CDH11: variants seen among roughly 807,000 people sequenced by gnomAD.
The protein encoded by CDH11 is cadherin 11.
CDH11 carries 11 observed loss-of-function variants against 67.8 expected under a neutral mutation model. The observed-to-expected ratio is 0.16, with a 90% CI of 0.10 to 0.27. The LOEUF is 0.27. Among genes scored for constraint, CDH11 ranks in the 10% least tolerant of loss-of-function variants. CDH11 has a pLI of 1.00. For synonymous variants in CDH11, 419 were observed against 400.0 expected (o/e 1.05, Z -0.57); for missense variants, 847 against 1,031.2 (o/e 0.82, Z 2.45).
intron 1 of CDH11, among the ~76,000 whole-genome samples, chr16:65,088,525 A>G (rs1446453038): frequency 6.6e-6 from 1 of 152,222 alleles, no homozygotes; most frequent in African/African-American, 2.4e-5. Flanking sequence ...CTACATTATT[A>G]AAAATATATT....
At position 64,946,709 on chromosome 16, in the gene CDH11, TA is replaced by T; in HGVS notation, c.*893del. ...AATAGGGTTATTAAAAGATCACAAT[TA>T]AATTAGAAATATAAATGGATCATTA... On this transcript the variant is annotated 3_prime_UTR_variant, in exon 13 of 13. Transcript: ENST00000268603. The T allele has an allele frequency of 1.1e-6, 1 of 927,534 alleles. No homozygotes were observed. Among genetic ancestry groups the T allele is most frequent in the South Asian group, 5.1e-5 (1 of 19,542 alleles). 57.5% of individuals were successfully genotyped at this position (927,534 alleles called of 1,614,324 possible).
intron 1 of CDH11, among the ~76,000 whole-genome samples, chr16:65,100,595 G>T (rs536384513): frequency 6.6e-6 from 1 of 151,874 alleles, no homozygotes; most frequent in South Asian, 2.1e-4. Flanking sequence ...AAAATTAGCC[G>T]GGCGTCGTGG....
At chr16:64,965,023 A>C (rs2142407149) in intron 11 of CDH11, among the ~76,000 whole-genome samples, 1 of 151,974 alleles carries the variant, frequency 6.6e-6, no homozygotes, top group East Asian at 1.9e-4. Flanking sequence ...GTTAGGCATA[A>C]ATCAACCTTA....
intron 1 of CDH11, among the ~76,000 whole-genome samples, chr16:65,067,314 G>C (rs905006387): frequency 6.6e-6 from 1 of 152,062 alleles, no homozygotes; most frequent in East Asian, 1.9e-4. Context: ...TACAACCACA[G>C]ACAGATGACA....
intron 11 of CDH11, among the ~76,000 whole-genome samples, chr16:64,951,460 T>G (rs532154310): frequency 3.9e-5 from 6 of 152,064 alleles, no homozygotes; most frequent in South Asian, 4.2e-4. Context: ...TAACCTAGAC[T>G]TCACTTTGCT....
chr16:65,090,987 C>T (rs1597181981), intron 1 of CDH11, among the ~76,000 whole-genome samples: 1 of 152,286 alleles, frequency 6.6e-6, no homozygotes, highest in East Asian at 1.9e-4. Context: ...AATTCCAGCC[C>T]TAGGCAACTG....
In CDH11 at chr16:64,985,641, A is replaced by C. The variant is rs374626673; in HGVS notation, c.999+2516T>G. 6 of 151,632 alleles carry C rather than the reference A, an allele frequency of 4.0e-5. No individual in the cohort carries two copies. The East Asian group carries it at 9.7e-4, about 24-fold the overall frequency. 9.4% of individuals were successfully genotyped at this position (151,632 alleles called of 1,614,324 possible). A position where few individuals can be genotyped will look rare whatever the true frequency, so the allele number is the denominator to read the frequency against. The stretch of plus-strand genomic sequence containing the variant: ...TATTGCAGTCAATTTTCAACTGGGG[A>C]GTGATTTTGCTCCCAGTTACTCCAG... On this transcript the variant is annotated intron_variant, in intron 7 of 12. Transcript: ENST00000268603.
At chr16:65,122,139 G>C (rs972070855), upstream of CDH11, 7 of 513,678 alleles carry the variant, frequency 1.4e-5, no homozygotes, top group East Asian at 8.0e-5. Flanking sequence ...TGCGGGGCGG[G>C]GGGGGCGGGA....
chr16:65,107,611 C>A (rs1384000863), intron 1 of CDH11, among the ~76,000 whole-genome samples: 1 of 152,128 alleles, frequency 6.6e-6, no homozygotes, highest in Non-Finnish European at 1.5e-5. Context: ...GGAATAAAGT[C>A]CAAAGCTCTA....
chr16:65,041,343 C>T (rs1348697858), intron 2 of CDH11, among the ~76,000 whole-genome samples: 1 of 152,220 alleles, frequency 6.6e-6, no homozygotes, highest in Non-Finnish European at 1.5e-5. Flanking sequence ...CTGTCTGCTA[C>T]TCTGAATTCT....
chr16:65,067,902 G>C (rs1321554784), intron 1 of CDH11, among the ~76,000 whole-genome samples: 1 of 131,100 alleles, frequency 7.6e-6, no homozygotes, highest in East Asian at 2.5e-4. Context: ...GAGGAAGGAA[G>C]GAAGAAAGGA....
chr16:64,988,521 A>G (rs1170531361), intron 6 of CDH11, among the ~76,000 whole-genome samples, 177 bp from the exon 7 acceptor site: 1 of 152,176 alleles, frequency 6.6e-6, no homozygotes, highest in East Asian at 1.9e-4. Flanking sequence ...CCTGCTTGTC[A>G]AAAGAATGTG....
intron 6 of CDH11, among the ~76,000 whole-genome samples, chr16:64,989,217 T>C (rs1424174261): frequency 2.0e-5 from 3 of 151,704 alleles, no homozygotes; most frequent in African/African-American, 7.3e-5. Context: ...AAGTGCATGA[T>C]TGTGTGTGAG....
rs552698472 is a variant in CDH11 at position 65,038,247 on chromosome 16, G to A, written c.-173+15557C>T. On this transcript the variant is annotated intron_variant, in intron 2 of 12. Coordinates refer to ENST00000268603, the MANE Select transcript of CDH11 (RefSeq NM_001797.4). Reference sequence around the variant, plus strand: ...GCTTTTGTTTTGATCTCACTGCTTAGGTTAATGCATCATGACTCCTCCACG... The same window carrying A: ...GCTTTTGTTTTGATCTCACTGCTTAAGTTAATGCATCATGACTCCTCCACG... Among the ~76,000 whole-genome samples, 3 of 152,202 alleles carry A rather than the reference G, an allele frequency of 2.0e-5. No homozygotes were observed. The East Asian group carries it at 5.8e-4, about 30-fold the overall frequency.
intron 1 of CDH11, among the ~76,000 whole-genome samples, chr16:65,073,065 A>T (rs2074445347): frequency 1.3e-5 from 2 of 152,218 alleles, no homozygotes; most frequent in South Asian, 4.1e-4. Flanking sequence ...TTACAATGCT[A>T]CATTTTTTTG....
intron 1 of CDH11, among the ~76,000 whole-genome samples, chr16:65,071,389 T>C (rs2074413262): frequency 6.7e-6 from 1 of 149,614 alleles, no homozygotes; most frequent in Admixed American, 6.7e-5. Flanking sequence ...TACACCCCCA[T>C]GCGCAAACTC....
At chr16:65,034,094 G>A (rs1383638339) in intron 2 of CDH11, among the ~76,000 whole-genome samples, 1 of 152,138 alleles carries the variant, frequency 6.6e-6, no homozygotes, top group Admixed American at 6.5e-5. Flanking sequence ...TGGAATTAGG[G>A]TCTGTGCAGA....
At chr16:65,103,609 T>C (rs1255105888) in intron 1 of CDH11, among the ~76,000 whole-genome samples, 1 of 152,206 alleles carries the variant, frequency 6.6e-6, no homozygotes, top group African/African-American at 2.4e-5. Context: ...CATGACAATA[T>C]GCCCAACAGT....
chr16:65,035,396 C>A (rs775501572), intron 2 of CDH11, among the ~76,000 whole-genome samples: 1 of 152,180 alleles, frequency 6.6e-6, no homozygotes, highest in Non-Finnish European at 1.5e-5. Flanking sequence ...GGTATTCAAG[C>A]GCAGTGGAAG....
Sources: gnomAD v4.1 joint callset for allele counts (sites outside exome capture counted in the v4.1 genomes callset) on GRCh38, gnomAD v4.1.1 for gene constraint, MANE v1.5 for transcripts, NCBI Gene and HGNC (gene_info 2026-07-23, HGNC 2026-07-21) for gene names.